Variants in GABRB3 observed in about 807,000 individuals in gnomAD.
GABRB3 encodes the protein gamma-aminobutyric acid receptor subunit beta-3.
A neutral mutation model predicts 52.1 loss-of-function variants in GABRB3; 14 were observed. That is an observed-to-expected ratio of 0.27 (90% CI 0.18 to 0.42). The LOEUF (loss-of-function observed/expected upper bound fraction) is 0.42, where lower values mean the gene tolerates loss of function less well. GABRB3 is among the 10% of genes least tolerant of loss of function. The probability of loss-of-function intolerance (pLI) is 1.00; values close to 1 mark genes in which losing one functional copy is unlikely to be tolerated. For synonymous variants in GABRB3, 260 were observed against 232.3 expected, an observed-to-expected ratio of 1.12 and a Z score of -1.08; for missense variants, 307 against 609.1, an observed-to-expected ratio of 0.50 and a Z score of 5.22.
chr15:26,756,592 A>T (rs572002630), intron 3 of GABRB3, among the ~76,000 whole-genome samples: 30 of 152,186 alleles, frequency 2.0e-4, no homozygotes, highest in Admixed American at 3.9e-4. Flanking sequence ...AAAAATTTTT[A>T]AAGTACAGAA....
chr15:26,691,537 G>A (rs1313570823), intron 3 of GABRB3, among the ~76,000 whole-genome samples: 2 of 152,244 alleles, frequency 1.3e-5, no homozygotes, highest in African/African-American at 2.4e-5. Flanking sequence ...GATAGGAAGC[G>A]AATGACCCAT....
At chr15:26,753,901 A>G (rs1030783238) in intron 3 of GABRB3, among the ~76,000 whole-genome samples, 9 of 152,210 alleles carry the variant, frequency 5.9e-5, no homozygotes, top group Non-Finnish European at 1.3e-4. Flanking sequence ...CTTGAGTTCC[A>G]TAACTATCAG....
chr15:26,772,857 G>T, intron 1 of GABRB3, 26 bp downstream of exon 1: 2 of 1,448,290 alleles, frequency 1.4e-6, no homozygotes, highest in Non-Finnish European at 1.8e-6. Context: ...CCTGCCCGCC[G>T]CCCGCCGGCC....
chr15:26,632,051 G>C (rs1362823169), intron 3 of GABRB3, among the ~76,000 whole-genome samples: 1 of 152,196 alleles, frequency 6.6e-6, no homozygotes, highest in Non-Finnish European at 1.5e-5. Flanking sequence ...CGAACGTGCC[G>C]AAGTCTCAAG....
intron 3 of GABRB3, among the ~76,000 whole-genome samples, chr15:26,748,329 C>A (rs957515363): frequency 6.6e-6 from 1 of 152,066 alleles, no homozygotes; most frequent in Non-Finnish European, 1.5e-5. Context: ...AATTCTCCAG[C>A]GAAATTATCT....
rs544522194 is a variant in GABRB3, at chr15:26,681,062, C to A, written c.241-59528G>T. ...TTTTCCTTTAGGCCTGATTTCAAAT[C>A]TCTTCCTTTTAAAAATCGTATTGCT... On this transcript the variant is annotated intron_variant, in intron 3 of 8. Coordinates refer to ENST00000311550, the MANE Select transcript of GABRB3 (RefSeq NM_000814.6). Among the ~76,000 whole-genome samples the A allele has an allele frequency of 9.8e-5, 15 of 152,310 alleles. No individual in the cohort carries two copies. In the East Asian group the frequency reaches 2.7e-3, roughly 27 times the overall value.
intron 3 of GABRB3, among the ~76,000 whole-genome samples, chr15:26,741,456 C>A (rs928280442): frequency 6.6e-6 from 1 of 152,216 alleles, no homozygotes; most frequent in Non-Finnish European, 1.5e-5. Context: ...ATGACTTCAT[C>A]TCCCTGACAC....
chr15:26,671,055 T>C (rs867267250), intron 3 of GABRB3, among the ~76,000 whole-genome samples: 6 of 152,136 alleles, frequency 3.9e-5, no homozygotes, highest in Middle Eastern at 3.2e-3. Context: ...ATCTATGAGA[T>C]AGTTGACTGC....
intron 7 of GABRB3, among the ~76,000 whole-genome samples, chr15:26,566,764 GA>G (rs1890193351): frequency 6.6e-6 from 1 of 152,016 alleles, no homozygotes; most frequent in African/African-American, 2.4e-5. Context: ...GGGATAACTG[GA>G]ACCCTGAATT....
chr15:26,742,924 CTTTT>C (rs779891729), intron 3 of GABRB3, among the ~76,000 whole-genome samples: 4 of 48,832 alleles, frequency 8.2e-5, no homozygotes, highest in African/African-American at 1.7e-4. Context: ...ATTAGAGATT[CTTTT>C]TTTTTTTTTT....
At chr15:26,700,609 A>T (rs907825827) in intron 3 of GABRB3, among the ~76,000 whole-genome samples, 12 of 152,270 alleles carry the variant, frequency 7.9e-5, no homozygotes. Flanking sequence ...ATATAAAAGG[A>T]TAATATATCT....
chr15:26,711,196 C>T (rs1889282856), intron 3 of GABRB3, among the ~76,000 whole-genome samples: 1 of 152,148 alleles, frequency 6.6e-6, no homozygotes, highest in African/African-American at 2.4e-5. Context: ...CAAAATATAT[C>T]ACTGTGTTTA....
chr15:26,680,490 C>G (rs1365709433), intron 3 of GABRB3, among the ~76,000 whole-genome samples: 2 of 151,326 alleles, frequency 1.3e-5, no homozygotes, highest in Non-Finnish European at 2.9e-5. Context: ...ATTGACTCTT[C>G]TTGGTGTAAC....
intron 3 of GABRB3, among the ~76,000 whole-genome samples, chr15:26,758,861 G>C (rs8042784): frequency 0.91 from 139,220 of 152,258 alleles, 63,698 homozygotes; most frequent in East Asian, 1. Context: ...TAGCGCAAAT[G>C]ACTTATTTAC....
chr15:26,616,175 G>T, intron 4 of GABRB3: 1 of 935,612 alleles, frequency 1.1e-6, no homozygotes, highest in Non-Finnish European at 1.5e-6. Context: ...GGGAAGGTGG[G>T]CCTTGGGGCC....
At chr15:26,752,022 G>A (rs1890524059) in intron 3 of GABRB3, among the ~76,000 whole-genome samples, 2 of 152,158 alleles carry the variant, frequency 1.3e-5, no homozygotes, top group East Asian at 1.9e-4. Flanking sequence ...AAAACAGCAT[G>A]CTTTAAAACA....
intron 3 of GABRB3, among the ~76,000 whole-genome samples, chr15:26,760,809 G>GCACACACACACACACACACACACACA: frequency 6.7e-6 from 1 of 149,398 alleles, no homozygotes; most frequent in East Asian, 2.0e-4. Context: ...ACACGCGCAC[G>GCACACACACACACACACACACACACA]CACACACACA....
chr15:26,715,563 A>G (rs1391646880), intron 3 of GABRB3, among the ~76,000 whole-genome samples: 1 of 152,214 alleles, frequency 6.6e-6, no homozygotes, highest in Non-Finnish European at 1.5e-5. Context: ...GCATTTGGTA[A>G]TTATGTTGAA....
In GABRB3 at chr15:26,720,260, G is replaced by A. The variant is rs544447639; in HGVS notation, c.240+52142C>T. ...CTGACTCTCTTTTCAGACTCAGCCC[G>A]CCTGCACCCAGGTGATTAAAAACCT... On this transcript the variant is annotated intron_variant, in intron 3 of 8. Coordinates refer to ENST00000311550, the MANE Select transcript of GABRB3 (RefSeq NM_000814.6). 5.3e-5 allele frequency among the ~76,000 whole-genome samples: 8 copies of A among 151,966 alleles called. No individual in the cohort carries two copies. In the East Asian group the frequency reaches 9.7e-4, roughly 18 times the overall value.
Sources: allele counts gnomAD v4.1 joint callset (sites outside exome capture counted in the v4.1 genomes callset), GRCh38; gene constraint gnomAD v4.1.1; transcripts MANE v1.5; gene names NCBI Gene and HGNC (gene_info 2026-07-23, HGNC 2026-07-21).